Variants in LGSN observed in about 807,000 individuals in gnomAD.
The protein encoded by LGSN is lengsin, lens protein with glutamine synthetase domain.
Under a neutral mutation model 19.5 loss-of-function variants are expected in LGSN, and 21 were observed. That is an observed-to-expected ratio of 1.07 (90% CI 0.76 to 1.55). The LOEUF (loss-of-function observed/expected upper bound fraction) is 1.55. Ranked by LOEUF, LGSN falls within the 40% of genes most tolerant of loss-of-function variation. The pLI, the probability that LGSN is intolerant of heterozygous loss-of-function variation, is 0.00. For missense variants in LGSN, 673 were observed against 608.5 expected, an observed-to-expected ratio of 1.11 and a Z score of -1.12; for synonymous variants, 257 against 215.6, an observed-to-expected ratio of 1.19 and a Z score of -1.68.
chr6:63,351,421 GAGAGAGAGAGAGGA>G, the LGSN span, among the ~76,000 whole-genome samples: 2 of 148,242 alleles, frequency 1.3e-5, no homozygotes, highest in African/African-American at 4.9e-5. Context: ...GTGTGTGAGA[GAGAGAGAGAGAGGA>G]AGAGAGAGAG....
At chr6:63,400,501 A>C in the LGSN span, among the ~76,000 whole-genome samples, 1 of 152,218 alleles carries the variant, frequency 6.6e-6, no homozygotes, top group East Asian at 1.9e-4. Flanking sequence ...GATTAAATAC[A>C]GTCAAGGGCT....
chr6:63,400,459 A>G, the LGSN span, among the ~76,000 whole-genome samples: 9 of 152,250 alleles, frequency 5.9e-5, no homozygotes, highest in African/African-American at 9.6e-5. Flanking sequence ...ATCTCGCTAG[A>G]TAACAGTAGA....
the LGSN span, among the ~76,000 whole-genome samples, chr6:63,424,850 T>G: frequency 6.6e-6 from 1 of 152,032 alleles, no homozygotes; most frequent in Admixed American, 6.6e-5. Context: ...AGTTCAAGGC[T>G]GCAGTGAGCT....
the LGSN span, among the ~76,000 whole-genome samples, chr6:63,453,788 G>A: frequency 2.0e-5 from 3 of 152,018 alleles, no homozygotes; most frequent in African/African-American, 7.2e-5. Flanking sequence ...CAAGTAGCTG[G>A]AACTACAGGC....
the LGSN span, chr6:63,441,562 T>A: frequency 2.3e-6 from 1 of 433,974 alleles, no homozygotes; most frequent in Admixed American, 2.7e-5. Flanking sequence ...GGGTTGGAAG[T>A]AGAACGAGAG....
chr6:63,300,204 C>A (rs1768129546), intron 1 of LGSN, among the ~76,000 whole-genome samples: 1 of 152,158 alleles, frequency 6.6e-6, no homozygotes, highest in African/African-American at 2.4e-5. Flanking sequence ...ACATCCTTTT[C>A]ATAGCTCTGT....
chr6:63,295,556 AAAAGTACTTGAATTCAT>A (rs1767952465), intron 1 of LGSN, among the ~76,000 whole-genome samples: 1 of 152,230 alleles, frequency 6.6e-6, no homozygotes, highest in Non-Finnish European at 1.5e-5. Flanking sequence ...TTCACTTCAA[AAAAGTACTTGAATTCAT>A]AAAGTGCTAT....
chr6:63,510,543 C>T, the LGSN span, among the ~76,000 whole-genome samples: 2 of 151,026 alleles, frequency 1.3e-5, no homozygotes, highest in East Asian at 1.9e-4. Context: ...TATTCTATTC[C>T]CCCAGAGTTA....
the LGSN span, among the ~76,000 whole-genome samples, chr6:63,499,630 T>G: frequency 6.6e-6 from 1 of 152,064 alleles, no homozygotes; most frequent in Admixed American, 6.5e-5. Context: ...AGCAGCAATT[T>G]CCAGTTCAGC....
the LGSN span, among the ~76,000 whole-genome samples, chr6:63,450,563 A>G: frequency 7.8e-3 from 1,180 of 151,246 alleles, 5 homozygotes; most frequent in Middle Eastern, 0.017. Context: ...AAAAAAAAAG[A>G]AAAGAAAAAT....
At chr6:63,321,768 A>G (rs1769089683), upstream of LGSN, among the ~76,000 whole-genome samples, 2 of 152,242 alleles carry the variant, frequency 1.3e-5, no homozygotes, top group African/African-American at 2.4e-5. Context: ...TAGAAAAATA[A>G]TAAATGGTCA....
At chr6:63,486,507 T>G in the LGSN span, among the ~76,000 whole-genome samples, 19 of 152,282 alleles carry the variant, frequency 1.2e-4, no homozygotes, top group Non-Finnish European at 2.2e-4. Context: ...ATGATCTTCA[T>G]GTGCACATTG....
chr6:63,460,254 G>A, the LGSN span, among the ~76,000 whole-genome samples: 13 of 151,300 alleles, frequency 8.6e-5, no homozygotes, highest in South Asian at 6.3e-4. Context: ...CACCACACCC[G>A]GCCCCATTCC....
At chr6:63,329,002 A>G in the LGSN span, among the ~76,000 whole-genome samples, 448 of 152,294 alleles carry the variant, frequency 2.9e-3, 3 homozygotes, top group African/African-American at 0.01. Flanking sequence ...CTAAGATTAG[A>G]CCTAGATATT....
the LGSN span, among the ~76,000 whole-genome samples, chr6:63,411,406 C>T: frequency 6.6e-6 from 1 of 152,202 alleles, no homozygotes; most frequent in African/African-American, 2.4e-5. Context: ...CTTCTTTCTA[C>T]ATGCCATATC....
chr6:63,548,347 G>C, the LGSN span, among the ~76,000 whole-genome samples: 1 of 152,204 alleles, frequency 6.6e-6, no homozygotes, highest in Non-Finnish European at 1.5e-5. Flanking sequence ...TCATGGGTTT[G>C]TTGTGAGGAT....
the LGSN span, among the ~76,000 whole-genome samples, chr6:63,491,986 G>A: frequency 1.6e-4 from 24 of 150,224 alleles, no homozygotes; most frequent in South Asian, 4.8e-3. Flanking sequence ...CCAAGATGAC[G>A]CCATTGCACT....
At chr6:63,409,573 C>G in the LGSN span, among the ~76,000 whole-genome samples, 3 of 152,224 alleles carry the variant, frequency 2.0e-5, no homozygotes, top group African/African-American at 4.8e-5. Flanking sequence ...TCAGCTCTGA[C>G]AGTTAATAGC....
chr6:63,464,971 A>G, the LGSN span, among the ~76,000 whole-genome samples: 1 of 148,126 alleles, frequency 6.8e-6, no homozygotes, highest in African/African-American at 2.5e-5. Flanking sequence ...GGTTGCAGTG[A>G]GCTGAGATCA....
Sources: allele counts gnomAD v4.1 joint callset (sites outside exome capture counted in the v4.1 genomes callset), GRCh38; gene constraint gnomAD v4.1.1; transcripts MANE v1.5; gene names NCBI Gene and HGNC (gene_info 2026-07-23, HGNC 2026-07-21).